Variants in ELOVL4 observed in about 807,000 individuals in gnomAD.
The protein encoded by ELOVL4 is ELOVL fatty acid elongase 4.
A neutral mutation model predicts 42.1 loss-of-function variants in ELOVL4; 18 were observed. The ratio of observed to expected loss-of-function variants is 0.43; its 90% CI spans 0.30 to 0.63. The LOEUF is 0.63. Ranked by LOEUF, ELOVL4 falls within the 30% of genes least tolerant of loss-of-function variation. The pLI, the probability that ELOVL4 is intolerant of heterozygous loss-of-function variation, is 0.15. For missense variants in ELOVL4, 299 were observed against 376.2 expected, an observed-to-expected ratio of 0.79 and a Z score of 1.70; for synonymous variants, 117 against 127.0, an observed-to-expected ratio of 0.92 and a Z score of 0.53.
Position 79,947,492 on chromosome 6 carries a change from G to A in ELOVL4, c.-213C>T, listed in dbSNP as rs2127703674. 1.7e-6 allele frequency: 1 copy of A among 588,614 alleles called. No individual in the cohort carries two copies. Among genetic ancestry groups the A allele is most frequent in the Non-Finnish European group, 3.0e-6 (1 of 330,622 alleles). The allele number at this position is 588,614 out of a possible 1,614,324, so 36.5% of individuals were successfully genotyped here. A position where few individuals can be genotyped will look rare whatever the true frequency, so the allele number is the denominator to read the frequency against. The stretch of plus-strand genomic sequence containing the variant: ...AGCGGAAGGCGTCGTCAAGGTTCCC[G>A]GGAGAAAGACGAGGAGGTGGAGGAG... On this transcript the variant is annotated 5_prime_UTR_variant, in exon 1 of 6. Transcript: ENST00000369816.
chr6:79,932,173 CTA>C (rs1308966614), intron 1 of ELOVL4, among the ~76,000 whole-genome samples: 1 of 152,122 alleles, frequency 6.6e-6, no homozygotes, highest in Non-Finnish European at 1.5e-5. Context: ...AATTATGTAA[CTA>C]TGTGTTTGTC....
chr6:79,941,130 T>C (rs1217229073), intron 1 of ELOVL4, among the ~76,000 whole-genome samples: 1 of 152,224 alleles, frequency 6.6e-6, no homozygotes, highest in African/African-American at 2.4e-5. Context: ...TATATTTATT[T>C]GAAATTGCTT....
At chr6:79,940,983 T>A (rs947094442) in intron 1 of ELOVL4, among the ~76,000 whole-genome samples, 1 of 151,180 alleles carries the variant, frequency 6.6e-6, no homozygotes, top group South Asian at 2.1e-4. Flanking sequence ...CTATTTCTTA[T>A]AAAGCAAATT....
intron 1 of ELOVL4, among the ~76,000 whole-genome samples, chr6:79,938,128 G>A (rs566872210): frequency 1.5e-4 from 23 of 152,270 alleles, no homozygotes; most frequent in African/African-American, 5.5e-4. Flanking sequence ...AATATATCTC[G>A]AGAGAGAGAG....
At chr6:79,929,643 T>G (rs1255135030) in intron 1 of ELOVL4, among the ~76,000 whole-genome samples, 2 of 152,204 alleles carry the variant, frequency 1.3e-5, no homozygotes, top group Non-Finnish European at 2.9e-5. Flanking sequence ...ACAAACTACA[T>G]GATCATTTAG....
At chr6:79,942,410 AAGAT>A (rs1381692773) in intron 1 of ELOVL4, among the ~76,000 whole-genome samples, 3 of 152,214 alleles carry the variant, frequency 2.0e-5, no homozygotes, top group South Asian at 2.1e-4. Context: ...AAAGTGAAAA[AAGAT>A]AGACTGTTAC....
chr6:79,928,521 T>G (rs1455296559), intron 1 of ELOVL4, among the ~76,000 whole-genome samples: 1 of 152,120 alleles, frequency 6.6e-6, no homozygotes, highest in Non-Finnish European at 1.5e-5. Context: ...TGTGGTATGC[T>G]GTATCGTTTT....
At chr6:79,945,342 T>C (rs1774720917) in intron 1 of ELOVL4, among the ~76,000 whole-genome samples, 1 of 152,228 alleles carries the variant, frequency 6.6e-6, no homozygotes, top group Non-Finnish European at 1.5e-5. Flanking sequence ...TATTATTTTA[T>C]ATGCCCTTCG....
chr6:79,921,947 T>G (rs1444258619), intron 3 of ELOVL4, 151 bp from the exon 4 acceptor site: 2 of 741,824 alleles, frequency 2.7e-6, no homozygotes, highest in Non-Finnish European at 4.5e-6. Flanking sequence ...TTGAAAAACC[T>G]AAGCATCTCT....
intron 1 of ELOVL4, among the ~76,000 whole-genome samples, chr6:79,944,339 G>A (rs1310084138): frequency 6.6e-6 from 1 of 152,122 alleles, no homozygotes; most frequent in Non-Finnish European, 1.5e-5. Flanking sequence ...TGATGACATG[G>A]AATACCTACT....
intron 1 of ELOVL4, among the ~76,000 whole-genome samples, chr6:79,946,484 T>G (rs1162246905): frequency 6.6e-6 from 1 of 152,082 alleles, no homozygotes; most frequent in Non-Finnish European, 1.5e-5. Flanking sequence ...TAAAGACTGA[T>G]TTCTTCCCCG....
At chr6:79,944,173 A>G (rs995949673) in intron 1 of ELOVL4, among the ~76,000 whole-genome samples, 3 of 152,236 alleles carry the variant, frequency 2.0e-5, no homozygotes, top group Non-Finnish European at 4.4e-5. Flanking sequence ...AATAATGTAG[A>G]TAAGTTGGGT....
chr6:79,930,293 T>C (rs536225106), intron 1 of ELOVL4, among the ~76,000 whole-genome samples: 160 of 152,326 alleles, frequency 1.1e-3, no homozygotes, highest in African/African-American at 3.8e-3. Flanking sequence ...TTTTACACCA[T>C]ACCCTTCTCA....
At chr6:79,932,158 G>C (rs1024105612) in intron 1 of ELOVL4, among the ~76,000 whole-genome samples, 5 of 152,134 alleles carry the variant, frequency 3.3e-5, no homozygotes, top group Admixed American at 6.5e-5. Flanking sequence ...AAAAGGTTAC[G>C]TAATAATTAT....
chr6:79,937,462 G>A (rs6913888), intron 1 of ELOVL4, among the ~76,000 whole-genome samples: 3 of 152,180 alleles, frequency 2.0e-5, no homozygotes, highest in East Asian at 3.9e-4. Context: ...GTTACCCTGG[G>A]ATTTAATTTG....
Position 79,916,482 on chromosome 6 carries a change from A to G in ELOVL4, c.*126T>C. On this transcript the variant is annotated 3_prime_UTR_variant, in exon 6 of 6. Transcript: ENST00000369816. ...CACTTTACTCAGTCTAAGAGTTACT[A>G]GGACATAGAGCACATTTGTCTTTTC... 9.8e-7 allele frequency: 1 copy of G among 1,023,376 alleles called. No individual in the cohort carries two copies. The highest frequency in any genetic ancestry group is 1.5e-6 in the Non-Finnish European group (1 of 661,726). The allele number at this position is 1,023,376 out of a possible 1,614,324, so 63.4% of individuals were successfully genotyped here.
chr6:79,918,715 T>A (rs1774200464), intron 5 of ELOVL4, among the ~76,000 whole-genome samples: 1 of 152,240 alleles, frequency 6.6e-6, no homozygotes, highest in South Asian at 2.1e-4. Context: ...TGGCTTTGAA[T>A]TTCCAGTTTG....
chr6:79,918,394 T>C (rs957343606), intron 5 of ELOVL4, among the ~76,000 whole-genome samples: 1 of 152,206 alleles, frequency 6.6e-6, no homozygotes. Context: ...CTAATTCACA[T>C]GATTTTGATC....
intron 5 of ELOVL4, among the ~76,000 whole-genome samples, chr6:79,918,271 T>C (rs1033878212): frequency 6.6e-6 from 1 of 152,198 alleles, no homozygotes; most frequent in African/African-American, 2.4e-5. Flanking sequence ...GAACTTGTGG[T>C]TTCACAATGG....
Sources: gnomAD v4.1 joint callset for allele counts (sites outside exome capture counted in the v4.1 genomes callset) on GRCh38, gnomAD v4.1.1 for gene constraint, MANE v1.5 for transcripts, NCBI Gene and HGNC (gene_info 2026-07-23, HGNC 2026-07-21) for gene names.